The following POF1B variants were observed in gnomAD, a reference collection of about 807,000 sequenced individuals.
POF1B encodes the protein protein POF1B.
A neutral mutation model predicts 55.3 loss-of-function variants in POF1B; 53 were observed. That is an observed-to-expected ratio of 0.96 (90% CI 0.77 to 1.20). POF1B has a LOEUF of 1.20. Among genes scored for constraint, POF1B ranks in the 50% most tolerant of loss-of-function variants. The pLI is 0.00. For missense variants in POF1B, 478 were observed against 420.5 expected (o/e 1.14, Z -1.20); for synonymous variants, 188 against 148.3 (o/e 1.27, Z -1.95).
At chrX:85,347,866 T>C (rs1440760492) in intron 5 of POF1B, among the ~76,000 whole-genome samples, 1 of 110,962 alleles carries the variant, frequency 9.0e-6, no homozygotes, top group Non-Finnish European at 1.9e-5. Context: ...ACTATTATCT[T>C]TTATGTTACA....
chrX:85,299,534 C>T (rs1209584519), intron 15 of POF1B, among the ~76,000 whole-genome samples: 7 of 104,323 alleles, frequency 6.7e-5, no homozygotes, highest in South Asian at 4.5e-4. Flanking sequence ...GTGATCCGCC[C>T]GCCTCGGCCT....
chrX:85,303,573 TA>T, intron 14 of POF1B, 85 bp from the exon 15 acceptor site: 1 of 638,366 alleles, frequency 1.6e-6, no homozygotes, highest in Non-Finnish European at 2.4e-6. Flanking sequence ...GAAGGGTTAC[TA>T]ACAATGATTA....
chrX:85,307,638 A>G (rs1283729853), intron 10 of POF1B, among the ~76,000 whole-genome samples: 1 of 111,921 alleles, frequency 8.9e-6, no homozygotes, highest in Non-Finnish European at 1.9e-5. Flanking sequence ...AAACTACTCC[A>G]AAGTCCTCAA....
chrX:85,345,220 CT>C (rs1933246614), intron 6 of POF1B, among the ~76,000 whole-genome samples: 1 of 110,766 alleles, frequency 9.0e-6, no homozygotes, highest in African/African-American at 3.3e-5. Flanking sequence ...ACAAGAAAAT[CT>C]TTTTTCCTTC....
chrX:85,345,750 T>C (rs1026155522), intron 6 of POF1B, 110 bp downstream of exon 6: 2 of 721,869 alleles, frequency 2.8e-6, no homozygotes, highest in Admixed American at 3.5e-5. Context: ...ACCAGTGATA[T>C]AACTTCTCAG....
At chrX:85,283,322 G>C (rs1931951947) in intron 15 of POF1B, among the ~76,000 whole-genome samples, 1 of 110,284 alleles carries the variant, frequency 9.1e-6, no homozygotes, top group Non-Finnish European at 1.9e-5. Context: ...GCATCTATTA[G>C]AAACATATAA....
At chrX:85,302,297 C>A (rs1932475817) in intron 15 of POF1B, among the ~76,000 whole-genome samples, 1 of 111,215 alleles carries the variant, frequency 9.0e-6, no homozygotes, top group Non-Finnish European at 1.9e-5. Flanking sequence ...ATGGACATTT[C>A]TTCAAACAAG....
At chrX:85,296,672 T>G (rs1441074849) in intron 15 of POF1B, among the ~76,000 whole-genome samples, 1 of 111,976 alleles carries the variant, frequency 8.9e-6, no homozygotes, top group Non-Finnish European at 1.9e-5. Flanking sequence ...CTTTAACAAT[T>G]TTTTCTTTCA....
chrX:85,350,659 A>C (rs892670793), intron 5 of POF1B, among the ~76,000 whole-genome samples: 3 of 111,207 alleles, frequency 2.7e-5, no homozygotes, highest in African/African-American at 9.8e-5. Flanking sequence ...ACAGTGTAAA[A>C]GTGTTCCTAT....
intron 15 of POF1B, among the ~76,000 whole-genome samples, chrX:85,287,337 C>A (rs111625792): frequency 0.027 from 2,984 of 111,144 alleles, 100 homozygotes; most frequent in African/African-American, 0.092. Flanking sequence ...CTAAAATTGA[C>A]ACAACTCTAG....
intron 3 of POF1B, among the ~76,000 whole-genome samples, chrX:85,364,955 CT>C (rs1236167686): frequency 9.0e-6 from 1 of 111,155 alleles, no homozygotes; most frequent in Non-Finnish European, 1.9e-5. Context: ...CCTTTTCATT[CT>C]TTTTTTTCTT....
chrX:85,290,216 G>GT (rs1366953153), intron 15 of POF1B, among the ~76,000 whole-genome samples: 1 of 111,025 alleles, frequency 9.0e-6, no homozygotes, highest in Non-Finnish European at 1.9e-5. Context: ...GCACTATCTG[G>GT]TTTTCTGCTT....
intron 2 of POF1B, among the ~76,000 whole-genome samples, chrX:85,372,717 G>GTA (rs748840909): frequency 1.0e-3 from 100 of 98,690 alleles, no homozygotes; most frequent in African/African-American, 3.1e-3. Context: ...AGAACTTAAA[G>GTA]TATATATATA....
intron 2 of POF1B, among the ~76,000 whole-genome samples, chrX:85,372,773 C>CTATATATA (rs200507402): frequency 2.1e-5 from 2 of 96,776 alleles, no homozygotes; most frequent in African/African-American, 7.6e-5. Flanking sequence ...ATTATATATA[C>CTATATATA]TATATATATA....
intron 15 of POF1B, among the ~76,000 whole-genome samples, chrX:85,286,331 T>G (rs1932054021): frequency 9.1e-6 from 1 of 109,893 alleles, no homozygotes. Context: ...GCTAATAAAA[T>G]AGGTTAAATG....
At chrX:85,331,771 C>G (rs1031327325) in intron 6 of POF1B, among the ~76,000 whole-genome samples, 1 of 111,243 alleles carries the variant, frequency 9.0e-6, no homozygotes, top group Admixed American at 9.6e-5. Flanking sequence ...CTTGCTACCA[C>G]TATTCTACTT....
At chrX:85,337,852 G>A (rs1438104310) in intron 6 of POF1B, among the ~76,000 whole-genome samples, 1 of 111,587 alleles carries the variant, frequency 9.0e-6, no homozygotes, top group Non-Finnish European at 1.9e-5. Flanking sequence ...TATTATGTAG[G>A]CAATTTAGTA....
intron 6 of POF1B, 114 bp from the exon 7 acceptor site, chrX:85,331,193 C>A: frequency 3.9e-6 from 3 of 767,267 alleles, no homozygotes; most frequent in Non-Finnish European, 5.3e-6. Context: ...ATAAATCAAG[C>A]CATTTTTTTC....
At chrX:85,368,299 C>A (rs1294711169) in intron 2 of POF1B, among the ~76,000 whole-genome samples, 4 of 110,851 alleles carry the variant, frequency 3.6e-5, no homozygotes, top group Non-Finnish European at 7.6e-5. Context: ...TAATAATTAT[C>A]AAACCAAGAG....
Sources: allele counts gnomAD v4.1 joint callset (sites outside exome capture counted in the v4.1 genomes callset), GRCh38; gene constraint gnomAD v4.1.1; transcripts MANE v1.5; gene names NCBI Gene and HGNC (gene_info 2026-07-23, HGNC 2026-07-21).